The following ATP8B4 variants were observed in gnomAD, a reference collection of about 807,000 sequenced individuals.
The protein encoded by ATP8B4 is probable phospholipid-transporting ATPase IM.
A neutral mutation model predicts 145.6 loss-of-function variants in ATP8B4; 133 were observed. That is an observed-to-expected ratio of 0.91 (90% CI 0.79 to 1.05). The LOEUF is 1.05. Among genes scored for constraint, ATP8B4 ranks in the 50% least tolerant of loss-of-function variants. The pLI, the probability that ATP8B4 is intolerant of heterozygous loss-of-function variation, is 0.00. For synonymous variants in ATP8B4, 507 were observed against 492.9 expected, an observed-to-expected ratio of 1.03 and a Z score of -0.38; for missense variants, 1,458 against 1,425.2, an observed-to-expected ratio of 1.02 and a Z score of -0.37.
At chr15:50,084,612 G>C (rs2054772822) in intron 2 of ATP8B4, among the ~76,000 whole-genome samples, 1 of 152,130 alleles carries the variant, frequency 6.6e-6, no homozygotes. Context: ...AGTGGCATAA[G>C]ACAACATAAA....
At chr15:49,916,538 T>G (rs184383058) in intron 20 of ATP8B4, among the ~76,000 whole-genome samples, 69 of 152,266 alleles carry the variant, frequency 4.5e-4, no homozygotes, top group African/African-American at 1.6e-3. Flanking sequence ...TCCCATTCCG[T>G]GTAGATTCTT....
chr15:49,988,786 C>T (rs1288797854), intron 9 of ATP8B4, among the ~76,000 whole-genome samples: 2 of 152,048 alleles, frequency 1.3e-5, no homozygotes, highest in Non-Finnish European at 2.9e-5. Flanking sequence ...TTAGGGGGGT[C>T]CCCTTTCTCC....
intron 1 of ATP8B4, among the ~76,000 whole-genome samples, chr15:50,127,856 A>G (rs1325370926): frequency 6.6e-6 from 1 of 152,200 alleles, no homozygotes; most frequent in Non-Finnish European, 1.5e-5. Context: ...CTTTGAAGAA[A>G]TATTAATTTC....
At chr15:50,135,043 A>G (rs951602202) in intron 1 of ATP8B4, among the ~76,000 whole-genome samples, 3 of 152,252 alleles carry the variant, frequency 2.0e-5, no homozygotes, top group Non-Finnish European at 4.4e-5. Context: ...GGTTTTCTGA[A>G]TGTTCAAGTG....
At position 49,888,372 on chromosome 15, in the gene ATP8B4, A is replaced by G. The variant is rs145143360; in HGVS notation, c.2698-8913T>C. Among the ~76,000 whole-genome samples the G allele has an allele frequency of 2.4e-4, 37 of 152,346 alleles. No homozygotes were observed. In the East Asian group the frequency reaches 6.9e-3, roughly 29 times the overall value. ...TTGCTTTATTATACTGTTTGACAGA[A>G]CTAAAGTTTTTCCAGCCTTGACAAG... On this transcript the variant is annotated intron_variant, in intron 23 of 27. Coordinates refer to ENST00000284509, the MANE Select transcript of ATP8B4 (RefSeq NM_024837.4).
In ATP8B4 at chr15:49,860,216, T is replaced by G. The variant is rs777303029; in HGVS notation, c.3557A>C (p.Gln1186Pro). Reference protein sequence around the residue: ...KTTDTVSSFSQDKTVKL With the variant: ...KTTDTVSSFSPDKTVKL The stretch of plus-strand genomic sequence containing the variant: ...GACTCACAGTTTCACTGTTTTATCC[T>G]GGCTAAAGCTGCTCACGGTGTCTGT... Residue 1186 changes from glutamine to proline, a missense_variant, in exon 28 of 28, where the codon CAG becomes CCG. Coordinates refer to ENST00000284509, the MANE Select transcript of ATP8B4 (RefSeq NM_024837.4). 3.7e-6 allele frequency: 6 copies of G among 1,613,076 alleles called. No individual in the cohort carries two copies. In the South Asian group the frequency reaches 5.5e-5, roughly 15 times the overall value.
At chr15:49,884,474 A>G (rs1236541812) in intron 23 of ATP8B4, among the ~76,000 whole-genome samples, 1 of 151,850 alleles carries the variant, frequency 6.6e-6, no homozygotes. Flanking sequence ...GATGGTGTGC[A>G]TCTTGTGATC....
At chr15:49,920,107 T>C (rs2040120450) in intron 18 of ATP8B4, 139 bp downstream of exon 18, 4 of 1,163,062 alleles carry the variant, frequency 3.4e-6, no homozygotes, top group Non-Finnish European at 4.8e-6. Flanking sequence ...AGCCAACATA[T>C]AAAGCATGAT....
intron 2 of ATP8B4, among the ~76,000 whole-genome samples, chr15:50,093,631 T>G (rs1390858529): frequency 6.6e-6 from 1 of 152,054 alleles, no homozygotes; most frequent in Non-Finnish European, 1.5e-5. Context: ...ATAATGCATT[T>G]ATTTTACTAC....
At chr15:50,094,718 A>G (rs1351708508) in intron 2 of ATP8B4, among the ~76,000 whole-genome samples, 2 of 148,446 alleles carry the variant, frequency 1.3e-5, no homozygotes, top group African/African-American at 4.9e-5. Context: ...ACTACTATAT[A>G]TATATATATA....
rs1223934466 is a variant in ATP8B4 at position 50,172,871 on chromosome 15, C to G, written c.-43+9390G>C. On this transcript the variant is annotated intron_variant, in intron 1 of 3. Coordinates refer to the ATP8B4 transcript ENST00000558829. ...GAGGTGAGGAGCGTCTCTGACCGGC[C>G]GCCCCGTCTGAGAAGTGAGGAGCCC... Among the ~76,000 whole-genome samples, 6 of 150,782 alleles carry G rather than the reference C, an allele frequency of 4.0e-5. No individual in the cohort carries two copies. The South Asian group carries it at 1.3e-3, about 32-fold the overall frequency.
intron 20 of ATP8B4, among the ~76,000 whole-genome samples, chr15:49,909,152 C>A (rs1008334615): frequency 1.3e-5 from 2 of 152,096 alleles, no homozygotes; most frequent in Non-Finnish European, 2.9e-5. Flanking sequence ...ATACCCCCCA[C>A]CCCAGTACTT....
At chr15:49,946,910 G>A (rs572398211) in intron 14 of ATP8B4, among the ~76,000 whole-genome samples, 2 of 152,258 alleles carry the variant, frequency 1.3e-5, no homozygotes, top group Admixed American at 1.3e-4. Context: ...AGGAGTGTCT[G>A]CCAATATAAA....
intron 2 of ATP8B4, among the ~76,000 whole-genome samples, chr15:50,093,216 AAAG>A (rs1356365421): frequency 3.3e-5 from 5 of 152,098 alleles, no homozygotes; most frequent in Non-Finnish European, 7.4e-5. Context: ...AAGTCTTAAG[AAAG>A]AAGAAAAACT....
At chr15:49,867,823 C>T (rs1045258026) in intron 25 of ATP8B4, among the ~76,000 whole-genome samples, 13 of 152,192 alleles carry the variant, frequency 8.5e-5, no homozygotes, top group African/African-American at 3.1e-4. Context: ...GAAAAACACA[C>T]TATTCCTGAA....
intron 6 of ATP8B4, among the ~76,000 whole-genome samples, chr15:50,019,271 C>A (rs549651927): frequency 1.2e-4 from 18 of 152,264 alleles, no homozygotes; most frequent in African/African-American, 4.3e-4. Context: ...GGAAAACATG[C>A]ACTTGAGTCA....
rs1387011356 is a variant in ATP8B4 at position 50,072,999 on chromosome 15, TATATATATATATATATATATAC to T, written c.87+1106_87+1127del. Among the ~76,000 whole-genome samples, 74 of 52,356 alleles carry T rather than the reference TATATATATATATATATATATAC, an allele frequency of 1.4e-3. 2 individuals are homozygous for T. The highest frequency in any genetic ancestry group is 7.8e-3 in the East Asian group (10 of 1,284). The allele number at this position is 52,356 out of a possible 152,430, so 34.3% of individuals were successfully genotyped here. A position where few individuals can be genotyped will look rare whatever the true frequency, so the allele number is the denominator to read the frequency against. On this transcript the variant is annotated intron_variant, in intron 3 of 27. Transcript: ENST00000284509. ...CTCTCTCTATATATATATATATATATATATATATATATATATATATACACACACACACACACACACACACACA... is the reference window on the plus strand; with the variant it reads ...CTCTCTCTATATATATATATATATATACACACACACACACACACACACACA...
intron 25 of ATP8B4, among the ~76,000 whole-genome samples, chr15:49,872,500 G>T (rs1223868593): frequency 6.6e-6 from 1 of 152,128 alleles, no homozygotes; most frequent in Non-Finnish European, 1.5e-5. Flanking sequence ...ATCATTGTAA[G>T]CAAGTAGTCA....
intron 1 of ATP8B4, among the ~76,000 whole-genome samples, chr15:50,126,868 C>G (rs556296483): frequency 6.6e-6 from 1 of 151,342 alleles, no homozygotes; most frequent in African/African-American, 2.5e-5. Flanking sequence ...GCCCCCACAC[C>G]CCCCCGCCAC....
Sources: gnomAD v4.1 joint callset for allele counts (sites outside exome capture counted in the v4.1 genomes callset) on GRCh38, gnomAD v4.1.1 for gene constraint, MANE v1.5 for transcripts, NCBI Gene and HGNC (gene_info 2026-07-23, HGNC 2026-07-21) for gene names.